ALCAM: variants seen among roughly 807,000 people sequenced by gnomAD.
ALCAM encodes CD166 antigen.
A neutral mutation model predicts 70.9 loss-of-function variants in ALCAM; 30 were observed. The ratio of observed to expected loss-of-function variants is 0.42; its 90% confidence interval spans 0.32 to 0.57. The LOEUF (loss-of-function observed/expected upper bound fraction) is 0.57, where lower values mean the gene tolerates loss of function less well. Among genes scored for constraint, ALCAM ranks in the 20% least tolerant of loss-of-function variants. The pLI, the probability that ALCAM is intolerant of heterozygous loss-of-function variation, is 0.11. For synonymous variants in ALCAM, 249 were observed against 242.5 expected (o/e 1.03, Z -0.25); for missense variants, 591 against 695.1 (o/e 0.85, Z 1.68).
At chr3:105,514,547 CAT>C (rs1270342347) in intron 1 of ALCAM, among the ~76,000 whole-genome samples, 1 of 151,830 alleles carries the variant, frequency 6.6e-6, no homozygotes, top group African/African-American at 2.4e-5. Flanking sequence ...TTTTCTATGA[CAT>C]AATATGGATT....
chr3:105,382,745 G>T (rs989529655), intron 1 of ALCAM, among the ~76,000 whole-genome samples: 2 of 151,940 alleles, frequency 1.3e-5, no homozygotes, highest in African/African-American at 4.8e-5. Flanking sequence ...CTTCTTTTGA[G>T]AACTGTCTGT....
chr3:105,571,229 G>T (rs557062569), intron 14 of ALCAM, among the ~76,000 whole-genome samples: 2 of 152,124 alleles, frequency 1.3e-5, no homozygotes, highest in Non-Finnish European at 2.9e-5. Context: ...TATAGGGCCC[G>T]AGAATTTGCA....
chr3:105,471,841 A>G (rs1337098511), intron 1 of ALCAM, among the ~76,000 whole-genome samples: 2 of 151,306 alleles, frequency 1.3e-5, no homozygotes, highest in African/African-American at 4.8e-5. Flanking sequence ...TCAAGAATAC[A>G]GTATGTCATT....
intron 1 of ALCAM, among the ~76,000 whole-genome samples, chr3:105,388,159 G>C (rs1168637888): frequency 6.6e-6 from 1 of 151,566 alleles, no homozygotes; most frequent in South Asian, 2.1e-4. Context: ...AAATTTTTGG[G>C]AGAGTATAAT....
intron 14 of ALCAM, among the ~76,000 whole-genome samples, chr3:105,559,820 G>A (rs968021044): frequency 6.6e-6 from 1 of 152,022 alleles, no homozygotes; most frequent in Admixed American, 6.6e-5. Context: ...TATAGAAAAG[G>A]TACTCTTTTA....
At chr3:105,525,874 G>GC (rs1307308740) in intron 3 of ALCAM, among the ~76,000 whole-genome samples, 42 of 152,146 alleles carry the variant, frequency 2.8e-4, no homozygotes, top group African/African-American at 1.0e-3. Flanking sequence ...CAAACCAAGT[G>GC]CAAACCAAGT....
intron 1 of ALCAM, among the ~76,000 whole-genome samples, chr3:105,494,605 C>G (rs1938684166): frequency 6.6e-6 from 1 of 151,836 alleles, no homozygotes; most frequent in Admixed American, 6.6e-5. Flanking sequence ...TTCTTTCTCT[C>G]TCATTTTGTT....
At chr3:105,509,526 A>G (rs565969106) in intron 1 of ALCAM, among the ~76,000 whole-genome samples, 1 of 151,884 alleles carries the variant, frequency 6.6e-6, no homozygotes, top group African/African-American at 2.4e-5. Context: ...AAAAATGCCT[A>G]TTCAGGTCAT....
intron 1 of ALCAM, among the ~76,000 whole-genome samples, chr3:105,474,917 C>T (rs1938059616): frequency 6.7e-6 from 1 of 148,694 alleles, no homozygotes; most frequent in Non-Finnish European, 1.5e-5. Flanking sequence ...TAAAGATTAT[C>T]CCTGTGTAAA....
chr3:105,452,648 A>G (rs1289798888), intron 1 of ALCAM, among the ~76,000 whole-genome samples: 1 of 152,228 alleles, frequency 6.6e-6, no homozygotes, highest in Non-Finnish European at 1.5e-5. Context: ...AGGAATTGCC[A>G]TACTGTCTTC....
chr3:105,383,081 C>T (rs532082743), intron 1 of ALCAM, among the ~76,000 whole-genome samples: 7 of 151,858 alleles, frequency 4.6e-5, no homozygotes, highest in African/African-American at 1.7e-4. Context: ...ACACCCTTTG[C>T]TTCACACCCT....
chr3:105,572,488 G>A (rs1217321531), intron 15 of ALCAM, among the ~76,000 whole-genome samples: 1 of 152,150 alleles, frequency 6.6e-6, no homozygotes, highest in African/African-American at 2.4e-5. Context: ...GATCACTGAT[G>A]GGCCTTTGGG....
At chr3:105,376,698 G>T (rs939309186) in intron 1 of ALCAM, among the ~76,000 whole-genome samples, 3 of 152,182 alleles carry the variant, frequency 2.0e-5, no homozygotes, top group Non-Finnish European at 4.4e-5. Flanking sequence ...TTACAACAAA[G>T]GGGCCAGATC....
At chr3:105,572,736 C>A (rs1553685188) in intron 15 of ALCAM, among the ~76,000 whole-genome samples, 3 of 152,166 alleles carry the variant, frequency 2.0e-5, no homozygotes, top group Non-Finnish European at 4.4e-5. Context: ...CACATTCTCT[C>A]AAAACAGGAA....
chr3:105,514,069 T>C (rs1382022231), intron 1 of ALCAM, among the ~76,000 whole-genome samples: 2 of 151,916 alleles, frequency 1.3e-5, no homozygotes, highest in Non-Finnish European at 2.9e-5. Context: ...CAAGAAGCTT[T>C]TACCAATATC....
chr3:105,533,049 C>T (rs904342324), intron 4 of ALCAM, among the ~76,000 whole-genome samples: 5 of 152,006 alleles, frequency 3.3e-5, no homozygotes, highest in East Asian at 1.9e-4. Flanking sequence ...AACCCAAGTC[C>T]TACATTCTTT....
chr3:105,504,576 G>T (rs1479668541), intron 1 of ALCAM, among the ~76,000 whole-genome samples: 2 of 92,850 alleles, frequency 2.2e-5, no homozygotes, highest in Non-Finnish European at 4.4e-5. Context: ...CAAGCCCACG[G>T]CCTGCCGGCC....
intron 1 of ALCAM, among the ~76,000 whole-genome samples, chr3:105,418,454 C>A (rs993175983): frequency 3.3e-5 from 5 of 151,344 alleles, no homozygotes; most frequent in Non-Finnish European, 7.4e-5. Context: ...TGAGATCAAG[C>A]AGATGTGCCT....
intron 1 of ALCAM, among the ~76,000 whole-genome samples, chr3:105,424,434 C>T (rs893858681): frequency 1.3e-5 from 2 of 151,598 alleles, no homozygotes; most frequent in Non-Finnish European, 3.0e-5. Flanking sequence ...CAGGACATTT[C>T]AGGCAAAATA....
Sources: allele counts gnomAD v4.1 joint callset (sites outside exome capture counted in the v4.1 genomes callset), GRCh38; gene constraint gnomAD v4.1.1; transcripts MANE v1.5; gene names NCBI Gene and HGNC (gene_info 2026-07-23, HGNC 2026-07-21).